INPP5D: variants seen among roughly 807,000 people sequenced by gnomAD.
INPP5D encodes phosphatidylinositol 3,4,5-trisphosphate 5-phosphatase 1.
In INPP5D, 33 loss-of-function variants were observed where a neutral mutation model predicts 122.9. The observed-to-expected ratio is 0.27, with a 90% CI of 0.20 to 0.36. The LOEUF is 0.36. Ranked by LOEUF, INPP5D falls within the 10% of genes least tolerant of loss-of-function variation. The pLI is 1.00. For missense variants in INPP5D, 1,053 were observed against 1,412.7 expected (o/e 0.75, Z 4.08); for synonymous variants, 584 against 576.2 (o/e 1.01, Z -0.19).
intron 1 of INPP5D, among the ~76,000 whole-genome samples, chr2:233,071,293 A>C (rs569902896): frequency 1.3e-5 from 2 of 150,034 alleles, no homozygotes; most frequent in South Asian, 4.3e-4. Context: ...TCTGCCTCAA[A>C]AAAAGGAAAA....
chr2:233,178,704 G>C (rs180937575), intron 18 of INPP5D, among the ~76,000 whole-genome samples: 3 of 152,156 alleles, frequency 2.0e-5, no homozygotes, highest in Non-Finnish European at 1.5e-5. Flanking sequence ...GGCTGGTCTC[G>C]AACTCCTGAC....
intron 4 of INPP5D, among the ~76,000 whole-genome samples, chr2:233,129,682 C>G (rs188293525): frequency 1.1e-3 from 168 of 152,336 alleles, no homozygotes; most frequent in African/African-American, 3.6e-3. Context: ...AGACTCCCCC[C>G]ACAGAGCCTG....
At chr2:233,106,622 G>A (rs1481624064) in intron 2 of INPP5D, among the ~76,000 whole-genome samples, 7 of 152,198 alleles carry the variant, frequency 4.6e-5, no homozygotes, top group Non-Finnish European at 1.0e-4. Context: ...CTCCTCCTCT[G>A]GGCTTCTCCA....
chr2:233,198,004 CT>C, intron 24 of INPP5D, 90 bp from the exon 25 acceptor site: 1 of 1,444,042 alleles, frequency 6.9e-7, no homozygotes, highest in South Asian at 1.5e-5. Context: ...CGAGAGAGCC[CT>C]AGGGTTATCA....
intron 7 of INPP5D, 48 bp downstream of exon 7, chr2:233,146,290 C>T (rs1238393381): frequency 1.6e-5 from 11 of 704,168 alleles, no homozygotes; most frequent in Non-Finnish European, 2.1e-5. Context: ...CTTTGGTCCC[C>T]TCTTTGCATG....
At chr2:233,148,568 G>C (rs1162983082) in intron 9 of INPP5D, among the ~76,000 whole-genome samples, 2 of 152,174 alleles carry the variant, frequency 1.3e-5, no homozygotes, top group South Asian at 2.1e-4. Flanking sequence ...CAGGAGGCAG[G>C]GGGGTAGGCA....
chr2:233,130,908 G>C, intron 5 of INPP5D: 2 of 625,376 alleles, frequency 3.2e-6, no homozygotes, highest in Non-Finnish European at 2.9e-6. Flanking sequence ...GAAGCGGATG[G>C]GGTGGGAGGA....
intron 2 of INPP5D, among the ~76,000 whole-genome samples, chr2:233,095,615 C>CAAAA (rs59030376): frequency 7.7e-6 from 1 of 129,194 alleles, no homozygotes; most frequent in Non-Finnish European, 1.6e-5. Flanking sequence ...GAAACTGTCT[C>CAAAA]AAAAAAAAAA....
In INPP5D at chr2:233,160,123, C is replaced by T. The variant is rs1471480944; in HGVS notation, c.1138-1601C>T. On this transcript the variant is annotated intron_variant, in intron 10 of 26. Transcript: ENST00000445964. This position sits in a 1 kb window ranked among gnomAD's most constrained non-coding sequence, Gnocchi z 4.2. ...CATGAATCTTGAGCCACTCCCAACTCGAGGCAGGTTATAGTAAAGATGGTC... is the reference window on the plus strand; with the variant it reads ...CATGAATCTTGAGCCACTCCCAACTTGAGGCAGGTTATAGTAAAGATGGTC... 6.6e-6 allele frequency among the ~76,000 whole-genome samples: 1 copy of T among 152,164 alleles called. No homozygotes were observed. Among genetic ancestry groups the T allele is most frequent in the East Asian group, 1.9e-4 (1 of 5,202 alleles).
intron 3 of INPP5D, among the ~76,000 whole-genome samples, chr2:233,122,746 G>T (rs920084487): frequency 2.6e-5 from 4 of 152,186 alleles, no homozygotes; most frequent in African/African-American, 7.2e-5. Context: ...GTTCAAGGTT[G>T]CAGTGAGCCA....
At chr2:233,114,590 C>G (rs972728348) in intron 2 of INPP5D, among the ~76,000 whole-genome samples, 7 of 152,220 alleles carry the variant, frequency 4.6e-5, no homozygotes, top group South Asian at 2.1e-4. Context: ...CACTGATCCT[C>G]ACTCAGCCTT....
rs555670434 is a variant in INPP5D, at chr2:233,178,200, G to C, written c.2071+854G>C. 2.5e-4 allele frequency among the ~76,000 whole-genome samples: 38 copies of C among 152,254 alleles called. No individual in the cohort carries two copies. The East Asian group carries it at 7.1e-3, about 29-fold the overall frequency. ...TAGTCTCAGCTGCTCAATAGGCTGA[G>C]GGGGGAGGATCGCTTGAGCCCAGTA... On this transcript the variant is annotated intron_variant, in intron 18 of 26. Coordinates refer to ENST00000445964, the MANE Select transcript of INPP5D (RefSeq NM_001017915.3).
At chr2:233,113,668 C>G (rs1472656603) in intron 2 of INPP5D, among the ~76,000 whole-genome samples, 1 of 152,164 alleles carries the variant, frequency 6.6e-6, no homozygotes, top group East Asian at 1.9e-4. Context: ...AGCCAGAGAT[C>G]TAGGGCCACT....
At position 233,111,014 on chromosome 2, in the gene INPP5D, G is replaced by A. The variant is rs1692611398; in HGVS notation, c.199-11093G>A. 2.0e-5 allele frequency among the ~76,000 whole-genome samples: 3 copies of A among 151,732 alleles called. No individual in the cohort carries two copies. The South Asian group carries it at 6.2e-4, about 32-fold the overall frequency. ...TGACTTATAGAACATTTTCAAGAAC[G>A]GTACAAAGAATTCCTGTATACCCTC... On this transcript the variant is annotated intron_variant, in intron 2 of 26. Coordinates refer to ENST00000445964, the MANE Select transcript of INPP5D (RefSeq NM_001017915.3).
At chr2:233,108,888 T>A (rs1341169329) in intron 2 of INPP5D, among the ~76,000 whole-genome samples, 1 of 152,144 alleles carries the variant, frequency 6.6e-6, no homozygotes, top group Non-Finnish European at 1.5e-5. Context: ...AAGCTACCCA[T>A]CCACAGTCTT....
chr2:233,155,081 T>G (rs1694011836), intron 9 of INPP5D, among the ~76,000 whole-genome samples: 2 of 150,904 alleles, frequency 1.3e-5, no homozygotes, highest in South Asian at 4.2e-4. Context: ...AACAGAATTA[T>G]ATCTAGAAAG....
At chr2:233,181,052 C>T (rs1694771521) in intron 18 of INPP5D, among the ~76,000 whole-genome samples, 1 of 152,192 alleles carries the variant, frequency 6.6e-6, no homozygotes. Context: ...CTCTTTCTTT[C>T]CTGCCTAGCC....
intron 5 of INPP5D, among the ~76,000 whole-genome samples, chr2:233,134,949 GA>G (rs1295892141): frequency 6.9e-6 from 1 of 144,648 alleles, no homozygotes; most frequent in Non-Finnish European, 1.5e-5. Context: ...TCAAAAGCAT[GA>G]AAAGATTAAG....
intron 13 of INPP5D, chr2:233,168,986 C>A: frequency 3.2e-6 from 1 of 312,078 alleles, no homozygotes; most frequent in Non-Finnish European, 6.2e-6. Context: ...CAGGCTGGAA[C>A]CTTCTGAATC....
Sources: allele counts gnomAD v4.1 joint callset (sites outside exome capture counted in the v4.1 genomes callset), GRCh38; gene constraint gnomAD v4.1.1; non-coding constraint Gnocchi (gnomAD v3.1); transcripts MANE v1.5; gene names NCBI Gene and HGNC (gene_info 2026-07-23, HGNC 2026-07-21).